Variants in DARS2 observed in about 807,000 individuals in gnomAD.
The protein encoded by DARS2 is aspartyl-tRNA synthetase 2, mitochondrial, also known as aspartate--tRNA ligase, mitochondrial.
DARS2 carries 63 observed loss-of-function variants against 83.0 expected under a neutral mutation model. That is an observed-to-expected ratio of 0.76 (90% CI 0.62 to 0.94). DARS2 has a LOEUF of 0.94. DARS2 is among the 40% of genes least tolerant of loss of function. The probability of loss-of-function intolerance (pLI) is 0.00; values close to 1 mark genes in which losing one functional copy is unlikely to be tolerated. For synonymous variants in DARS2, 250 were observed against 269.3 expected (o/e 0.93, Z 0.70); for missense variants, 675 against 774.4 (o/e 0.87, Z 1.52).
In DARS2 at chr1:173,853,691, GAGTTAGT is replaced by G; in HGVS notation, c.1564-100_1564-94del. ...AGCCCCAGAAGAAATTGTGGAGTTT[GAGTTAGT>G]AGTAATACATTGTCTTTAAAAATCT... On this transcript the variant is annotated intron_variant, in intron 14 of 16. Transcript: ENST00000649689. The G allele has an allele frequency of 3.4e-6, 5 of 1,483,974 alleles. 1 individual carries two copies. In the South Asian group the frequency reaches 4.6e-5, roughly 14 times the overall value. The allele number at this position is 1,483,974 out of a possible 1,614,324, so 91.9% of individuals were successfully genotyped here. A position where few individuals can be genotyped will look rare whatever the true frequency, so the allele number is the denominator to read the frequency against.
chr1:173,852,381 A>T (rs1653706198), intron 13 of DARS2: 1 of 496,526 alleles, frequency 2.0e-6, no homozygotes, highest in Admixed American at 6.4e-5. Flanking sequence ...TTGCTATTTT[A>T]AAAATAAGAA....
At chr1:173,836,067 A>T (rs367892599) in intron 7 of DARS2, among the ~76,000 whole-genome samples, 220 of 151,882 alleles carry the variant, frequency 1.4e-3, no homozygotes, top group Middle Eastern at 0.01. Context: ...AAAAAAAAAA[A>T]ATATTAGCCA....
At chr1:173,829,609 A>G (rs1407308230) in intron 3 of DARS2, among the ~76,000 whole-genome samples, 1 of 151,624 alleles carries the variant, frequency 6.6e-6, no homozygotes, top group Non-Finnish European at 1.5e-5. Flanking sequence ...CCTCGTCTCT[A>G]CTAAAATACA....
intron 15 of DARS2, among the ~76,000 whole-genome samples, chr1:173,856,197 C>A (rs1484540423): frequency 6.6e-6 from 1 of 152,224 alleles, no homozygotes; most frequent in Non-Finnish European, 1.5e-5. Context: ...TTCAACATTT[C>A]TACATGTACT....
intron 9 of DARS2, 68 bp downstream of exon 9, chr1:173,838,327 C>T (rs1440212461): frequency 3.0e-5 from 36 of 1,186,780 alleles, no homozygotes; most frequent in Non-Finnish European, 4.5e-5. Flanking sequence ...TTTTCAAGAC[C>T]AGTGCAGTAT....
chr1:173,857,830 G>T lies in DARS2; in HGVS notation c.*125G>T. 1.0e-6 allele frequency: 1 copy of T among 997,314 alleles called. No homozygotes were observed. The highest frequency in any genetic ancestry group is 1.5e-6 in the Non-Finnish European group (1 of 649,472). 61.8% of individuals were successfully genotyped at this position (997,314 alleles called of 1,614,324 possible). A position where few individuals can be genotyped will look rare whatever the true frequency, so the allele number is the denominator to read the frequency against. Reference sequence around the variant, plus strand: ...CAAGTCTTTAGATGGAAGGAATCCAGGCAACATTCTTCACCACAACGAAGA... The same window carrying T: ...CAAGTCTTTAGATGGAAGGAATCCATGCAACATTCTTCACCACAACGAAGA... On this transcript the variant is annotated 3_prime_UTR_variant, in exon 17 of 17. Coordinates refer to ENST00000649689, the MANE Select transcript of DARS2 (RefSeq NM_018122.5).
chr1:173,842,979 A>C (rs966813031), intron 11 of DARS2, among the ~76,000 whole-genome samples: 6 of 151,616 alleles, frequency 4.0e-5, no homozygotes, highest in Admixed American at 1.3e-4. Context: ...TCCATACTCT[A>C]GTCCAGACAT....
intron 12 of DARS2, among the ~76,000 whole-genome samples, chr1:173,846,272 A>C (rs1396780949): frequency 6.6e-6 from 1 of 152,146 alleles, no homozygotes; most frequent in Non-Finnish European, 1.5e-5. Context: ...TGGAGGTTGC[A>C]GTGAGCTGAG....
chr1:173,852,101 C>T (rs964264107), intron 13 of DARS2: 5 of 985,222 alleles, frequency 5.1e-6, no homozygotes, highest in East Asian at 1.1e-4. Context: ...ACCAGACTTT[C>T]GAGGAATAAC....
chr1:173,836,824 G>A (rs903924859), intron 7 of DARS2, 116 bp from the exon 8 acceptor site: 1 of 862,430 alleles, frequency 1.2e-6, no homozygotes, highest in African/African-American at 1.7e-5. Flanking sequence ...TAGGAACTTT[G>A]TTCTTTAGTC....
chr1:173,825,321 G>A lies in DARS2; in HGVS notation c.92G>A (p.Arg31Lys). The A allele has an allele frequency of 6.2e-7, 1 of 1,613,790 alleles. No individual in the cohort carries two copies. The change falls in exon 1 of 17, where the codon AGA (arginine) becomes AAA (lysine). Residue 31 changes from arginine (R) to lysine (K), a missense_variant. Physicochemically the swap from Arg to Lys is conservative, Grantham distance 26. Transcript: ENST00000649689. ...TTQPIWGSLY[R>K]SLLQSSQRRI... is the part of the protein sequence containing the mutation. ...CAACCGATCTGGGGTTCTCTCTACA[G>A]AAGTCTGTTGCAGAGTTCACAGAGG... is the stretch of plus-strand genomic sequence containing the variant.
intron 12 of DARS2, 102 bp from the exon 13 acceptor site, chr1:173,850,225 T>C: frequency 7.8e-7 from 1 of 1,283,238 alleles, no homozygotes; most frequent in Non-Finnish European, 1.1e-6. Context: ...TTTTAAATTC[T>C]CTTCTATTGG....
At chr1:173,843,088 A>T (rs1653292069) in intron 11 of DARS2, among the ~76,000 whole-genome samples, 1 of 152,084 alleles carries the variant, frequency 6.6e-6, no homozygotes, top group Non-Finnish European at 1.5e-5. Context: ...GAACTGCAGG[A>T]GTGTGGATCA....
In DARS2 at chr1:173,830,744, G is replaced by A; in HGVS notation, c.379G>A (p.Ala127Thr). 6.2e-7 allele frequency: 1 copy of A among 1,613,804 alleles called. No individual in the cohort carries two copies. Among genetic ancestry groups the A allele is most frequent in the Non-Finnish European group, 8.5e-7 (1 of 1,179,740 alleles). The stretch of plus-strand genomic sequence containing the variant: ...GTCTGGTACAGTCATTTCCCGTCCT[G>A]CAGGACAAGAGAATCCAGTAGGTAG... ...QVSGTVISRPAGQENPKMPTG... is the reference protein window; with the variant it reads ...QVSGTVISRPTGQENPKMPTG... The change falls in exon 4 of 17, where the codon GCA becomes ACA. Residue 127 changes from alanine to threonine, a missense_variant. By Grantham distance (58) the Ala-to-Thr change is moderately conservative. Transcript: ENST00000649689.
chr1:173,853,667 GCCC>G, intron 14 of DARS2, 100 bp downstream of exon 14: 1 of 1,512,716 alleles, frequency 6.6e-7, no homozygotes, highest in South Asian at 1.1e-5. Flanking sequence ...AGTTCTGGAA[GCCC>G]CAGAAGAAAT....
chr1:173,825,424 T>A, intron 1 of DARS2, 68 bp downstream of exon 1: 1 of 1,431,408 alleles, frequency 7.0e-7, no homozygotes, highest in Non-Finnish European at 9.4e-7. Flanking sequence ...CGGAGAGCTT[T>A]TATTCCATTT....
intron 16 of DARS2, 93 bp from the exon 17 acceptor site, chr1:173,857,425 T>C: frequency 1.5e-6 from 2 of 1,316,674 alleles, no homozygotes; most frequent in Non-Finnish European, 2.2e-6. Context: ...AAGATTCTTA[T>C]TTAAAAGTTT....
chr1:173,834,483 T>C lies in DARS2; in HGVS notation c.627T>C (p.Asp209=), dbSNP rs571301026. 1.2e-5 allele frequency: 19 copies of C among 1,607,850 alleles called. No individual in the cohort carries two copies. In the South Asian group the frequency reaches 2.1e-4, roughly 18 times the overall value. Residue 209 remains aspartate, a synonymous_variant, in exon 7 of 17, where the codon GAT becomes GAC. Transcript: ENST00000649689. Reference sequence around the variant, plus strand: ...TTTCTCTCTTTTTAGGGTTTGTGGATATAGAAACCCCCACATTGTTTAAGA... The same window carrying C: ...TTTCTCTCTTTTTAGGGTTTGTGGACATAGAAACCCCCACATTGTTTAAGA... ...EYLCNLHGFV[D]IETPTLFKRT...
Position 173,840,947 on chromosome 1 carries a change from A to G in DARS2, c.1102A>G (p.Lys368Glu). The G allele has an allele frequency of 6.2e-7, 1 of 1,610,248 alleles. No individual in the cohort carries two copies. Among genetic ancestry groups the G allele is most frequent in the Non-Finnish European group, 8.5e-7 (1 of 1,176,416 alleles). Residue 368 changes from lysine to glutamate, a missense_variant, in exon 11 of 17, where the codon AAA becomes GAA. By Grantham distance (56) the Lys-to-Glu change is moderately conservative. Transcript: ENST00000649689. ...ACTTAGTAAGCCCCATGGAACTGTG[A>G]AAGCCATATGTATCCCTGAAGGAGC... ...DALSKPHGTVKAICIPEGAKY... is the reference protein window; with the variant it reads ...DALSKPHGTVEAICIPEGAKY...
Sources: allele counts gnomAD v4.1 joint callset (sites outside exome capture counted in the v4.1 genomes callset), GRCh38; gene constraint gnomAD v4.1.1; transcripts MANE v1.5; gene names NCBI Gene and HGNC (gene_info 2026-07-23, HGNC 2026-07-21).